ZIM2: variants seen among roughly 807,000 people sequenced by gnomAD.
ZIM2 encodes zinc finger imprinted 2, also known as zinc finger protein 656.
In ZIM2, 14 loss-of-function variants were observed where a neutral mutation model predicts 38.6. The observed-to-expected ratio is 0.36, with a 90% CI of 0.24 to 0.57. The LOEUF is 0.57. Among genes scored for constraint, ZIM2 ranks in the 20% least tolerant of loss-of-function variants. ZIM2 has a pLI of 0.81. For synonymous variants in ZIM2, 247 were observed against 245.8 expected (o/e 1.00, Z -0.04); for missense variants, 680 against 695.1 (o/e 0.98, Z 0.24).
At chr19:56,790,401 CAT>C (rs1490751503) in intron 9 of ZIM2, among the ~76,000 whole-genome samples, 1 of 152,118 alleles carries the variant, frequency 6.6e-6, no homozygotes, top group African/African-American at 2.4e-5. Flanking sequence ...ATAAATAATT[CAT>C]ATGTTATAAA....
chr19:56,830,751 C>G (rs972274032), intron 2 of ZIM2, among the ~76,000 whole-genome samples: 1 of 151,302 alleles, frequency 6.6e-6, no homozygotes, highest in African/African-American at 2.5e-5. Context: ...CAACTTCAAA[C>G]AAAATTTCAA....
rs2059765814 is a variant in ZIM2 at position 56,814,238 on chromosome 19, C to T, written c.490+3508G>A. 2 of 1,613,368 alleles carry T rather than the reference C, an allele frequency of 1.2e-6. No individual in the cohort carries two copies. The highest frequency in any genetic ancestry group is 1.7e-6 in the Non-Finnish European group (2 of 1,179,908). Reference sequence around the variant, plus strand: ...TCAGCAGCCTCCACTTCTGGCTCGGCAGCCTCCACTTCTGGCTCAGCAGCC... The same window carrying T: ...TCAGCAGCCTCCACTTCTGGCTCGGTAGCCTCCACTTCTGGCTCAGCAGCC... On this transcript the variant is annotated intron_variant, in intron 9 of 12. Coordinates refer to ENST00000629319, the MANE Select transcript of ZIM2 (RefSeq NM_001387356.1). This position sits in a 1 kb window ranked among gnomAD's most constrained non-coding sequence, Gnocchi z 5.8.
intron 3 of ZIM2, chr19:56,824,761 A>T: frequency 9.2e-7 from 1 of 1,087,754 alleles, no homozygotes; most frequent in South Asian, 1.6e-5. Context: ...GTAAGGAGAT[A>T]TACACATGTC....
rs1187261367 is a variant in ZIM2 at position 56,814,241 on chromosome 19, C to A, written c.490+3505G>T. The A allele has an allele frequency of 6.2e-7, 1 of 1,613,438 alleles. No homozygotes were observed. Among genetic ancestry groups the A allele is most frequent in the African/African-American group, 1.3e-5 (1 of 75,040 alleles). On this transcript the variant is annotated intron_variant, in intron 9 of 12. Coordinates refer to ENST00000629319, the MANE Select transcript of ZIM2 (RefSeq NM_001387356.1). The surrounding 1 kb of genome is among the most constrained non-coding windows in gnomAD (Gnocchi z 5.8). ...GCAGCCTCCACTTCTGGCTCGGCAG[C>A]CTCCACTTCTGGCTCAGCAGCCTCT...
intron 3 of ZIM2, among the ~76,000 whole-genome samples, chr19:56,825,608 A>G (rs2060947109): frequency 6.6e-6 from 1 of 152,108 alleles, no homozygotes; most frequent in African/African-American, 2.4e-5. Context: ...ATTTCCTTAA[A>G]GCATTTTTGC....
chr19:56,813,927 A>G (rs1228328888), intron 9 of ZIM2: 1 of 1,614,174 alleles, frequency 6.2e-7, no homozygotes, highest in South Asian at 1.1e-5. Flanking sequence ...CATGGCAGTC[A>G]TAGTATGGTT....
At position 56,800,007 on chromosome 19, in the gene ZIM2, T is replaced by C. The variant is rs574953511; in HGVS notation, c.491-10056A>G. On this transcript the variant is annotated intron_variant, in intron 9 of 12. Transcript: ENST00000629319. ...AAAACTAATGTGTGGTGAAAATAAA[T>C]TGGTGGTTGCCCCTAAGGAGACAGA... 3.6e-3 allele frequency among the ~76,000 whole-genome samples: 555 copies of C among 152,262 alleles called. 1 individual carries two copies. Among genetic ancestry groups the C allele is most frequent in the African/African-American group, 0.013 (531 of 41,550 alleles).
chr19:56,836,215 G>A (rs879925287), intron 1 of ZIM2, 111 bp from the exon 2 acceptor site: 1 of 370,786 alleles, frequency 2.7e-6, no homozygotes, highest in Non-Finnish European at 5.4e-6. Flanking sequence ...GATGGCACAG[G>A]TCAAATGAGA....
chr19:56,837,502 C>G lies in ZIM2; in HGVS notation c.-313-1398G>C, dbSNP rs561954723. 4.7e-4 allele frequency among the ~76,000 whole-genome samples: 71 copies of G among 152,372 alleles called. 1 individual carries two copies. Among genetic ancestry groups the G allele is most frequent in the African/African-American group, 1.5e-3 (64 of 41,592 alleles). On this transcript the variant is annotated intron_variant, in intron 1 of 12. Transcript: ENST00000629319. Reference sequence around the variant, plus strand: ...CGTCTGAGTTTGGCCTTGGATTCCACTTTTCTGCTCACTGACCCAAGGCTG... The same window carrying G: ...CGTCTGAGTTTGGCCTTGGATTCCAGTTTTCTGCTCACTGACCCAAGGCTG...
At chr19:56,791,340 G>T (rs769362967) in intron 9 of ZIM2, 2 of 152,098 alleles carry the variant, frequency 1.3e-5, no homozygotes, top group Non-Finnish European at 2.9e-5. Flanking sequence ...ATTAATAGAA[G>T]AAAATGAATT....
At chr19:56,802,299 A>C (rs2047561544) in intron 9 of ZIM2, among the ~76,000 whole-genome samples, 1 of 152,132 alleles carries the variant, frequency 6.6e-6, no homozygotes, top group Admixed American at 6.5e-5. Flanking sequence ...TCAAGGATAA[A>C]ATTACCCACC....
At chr19:56,822,578 C>G in intron 6 of ZIM2, 175 bp downstream of exon 6, 1 of 741,892 alleles carries the variant, frequency 1.3e-6, no homozygotes, top group Non-Finnish European at 2.2e-6. Context: ...GAAACCTGTG[C>G]TGGTGGTACC....
In ZIM2 at chr19:56,775,369, A is replaced by C. The variant is rs1434825940; in HGVS notation, c.996T>G (p.Pro332=). 1 of 1,614,142 alleles carries C rather than the reference A, an allele frequency of 6.2e-7. No homozygotes were observed. Among genetic ancestry groups the C allele is most frequent in the Admixed American group, 1.7e-5 (1 of 60,022 alleles). Residue 332 remains proline, a synonymous_variant, in exon 13 of 13, where the codon CCT becomes CCG. Transcript: ENST00000629319. Reference sequence around the variant, plus strand: ...TGCCTTCCTGGGGATCCTTTCCTAGAGGATCCTTTGATTGTTTACTAAGAT... The same window carrying C: ...TGCCTTCCTGGGGATCCTTTCCTAGCGGATCCTTTGATTGTTTACTAAGAT... ...SSNLSKQSKD[P]LGKDPQEGTA... is the part of the protein sequence containing the mutation.
In ZIM2 at chr19:56,840,305, G is replaced by A. The variant is rs575302930; in HGVS notation, c.-314+277C>T. 7.6e-4 allele frequency among the ~76,000 whole-genome samples: 116 copies of A among 152,282 alleles called. 1 individual carries two copies. The highest frequency in any genetic ancestry group is 2.6e-3 in the African/African-American group (107 of 41,578). On this transcript the variant is annotated intron_variant, in intron 1 of 12. Transcript: ENST00000629319. Reference sequence around the variant, plus strand: ...CCCTGCAGCAGCCCCTCAGACCCCGGACTGCAAGATGGCGGCACCAACGCA... The same window carrying A: ...CCCTGCAGCAGCCCCTCAGACCCCGAACTGCAAGATGGCGGCACCAACGCA...
intron 10 of ZIM2, among the ~76,000 whole-genome samples, chr19:56,784,895 A>G (rs2046516710): frequency 6.6e-6 from 1 of 152,220 alleles, no homozygotes; most frequent in South Asian, 2.1e-4. Context: ...TTATTAATAT[A>G]CATCTTTTGT....
At chr19:56,807,109 A>C (rs2047794331) in intron 9 of ZIM2, among the ~76,000 whole-genome samples, 1 of 152,222 alleles carries the variant, frequency 6.6e-6, no homozygotes, top group Non-Finnish European at 1.5e-5. Context: ...CCCATCAATT[A>C]TTGAATGAAT....
intron 9 of ZIM2, chr19:56,815,943 A>C: frequency 6.2e-7 from 1 of 1,601,320 alleles, no homozygotes; most frequent in Middle Eastern, 1.7e-4. Flanking sequence ...TATGGATAAC[A>C]GACCTACTGT....
At chr19:56,827,883 G>A (rs1169332827) in intron 2 of ZIM2, among the ~76,000 whole-genome samples, 1 of 152,180 alleles carries the variant, frequency 6.6e-6, no homozygotes, top group Non-Finnish European at 1.5e-5. Context: ...TTTCTAGAAG[G>A]ATATATAAGA....
intron 9 of ZIM2, chr19:56,798,110 T>A (rs2047321437): frequency 6.6e-6 from 1 of 152,114 alleles, no homozygotes; most frequent in Admixed American, 6.5e-5. Flanking sequence ...GAAAAAGAAG[T>A]TTTTACAATC....
Sources: gnomAD v4.1 joint callset for allele counts (sites outside exome capture counted in the v4.1 genomes callset) on GRCh38, gnomAD v4.1.1 for gene constraint, Gnocchi (gnomAD v3.1) non-coding constraint, MANE v1.5 for transcripts, NCBI Gene and HGNC (gene_info 2026-07-23, HGNC 2026-07-21) for gene names.